AFDN: variants seen among roughly 807,000 people sequenced by gnomAD.
The protein encoded by AFDN is afadin.
AFDN carries 68 observed loss-of-function variants against 216.6 expected under a neutral mutation model. The ratio of observed to expected loss-of-function variants is 0.31; its 90% CI spans 0.26 to 0.38. AFDN has a LOEUF of 0.38. Ranked by LOEUF, AFDN falls within the 10% of genes least tolerant of loss-of-function variation. The pLI, the probability that AFDN is intolerant of heterozygous loss-of-function variation, is 1.00. For missense variants in AFDN, 2,136 were observed against 2,342.0 expected (o/e 0.91, Z 1.82); for synonymous variants, 868 against 853.7 (o/e 1.02, Z -0.29).
intron 6 of AFDN, among the ~76,000 whole-genome samples, chr6:167,882,115 A>T (rs1022262018): frequency 6.6e-6 from 1 of 152,206 alleles, no homozygotes; most frequent in African/African-American, 2.4e-5. Flanking sequence ...GAAGTTTGAC[A>T]ACACTAAGAC....
chr6:167,909,445 T>C (rs141688903), intron 13 of AFDN, among the ~76,000 whole-genome samples: 154 of 152,240 alleles, frequency 1.0e-3, no homozygotes, highest in African/African-American at 3.5e-3. Flanking sequence ...TAAACTATTA[T>C]AAATCTGTAA....
At chr6:167,900,936 A>G (rs1441438599) in intron 11 of AFDN, among the ~76,000 whole-genome samples, 1 of 152,232 alleles carries the variant, frequency 6.6e-6, no homozygotes, top group African/African-American at 2.4e-5. Context: ...TGTGTGCAGA[A>G]AATTGACAAT....
intron 32 of AFDN, chr6:167,966,311 A>C: frequency 7.0e-7 from 1 of 1,424,120 alleles, no homozygotes; most frequent in Non-Finnish European, 9.3e-7. Flanking sequence ...CTTTGTCTTA[A>C]TGATTGGAAC....
At chr6:167,921,314 A>G (rs1791768634) in intron 21 of AFDN, among the ~76,000 whole-genome samples, 1 of 152,208 alleles carries the variant, frequency 6.6e-6, no homozygotes, top group African/African-American at 2.4e-5. Flanking sequence ...TAATGTTAGG[A>G]CATACGTGAT....
At chr6:167,937,877 C>T (rs1014366632) in intron 23 of AFDN, among the ~76,000 whole-genome samples, 1 of 152,200 alleles carries the variant, frequency 6.6e-6, no homozygotes, top group African/African-American at 2.4e-5. Context: ...TTACAGACCT[C>T]CTCATCGTAG....
At chr6:167,851,872 G>T (rs146058524) in intron 1 of AFDN, among the ~76,000 whole-genome samples, 2 of 151,858 alleles carry the variant, frequency 1.3e-5, no homozygotes, top group African/African-American at 2.4e-5. Context: ...TTTTTGTAGC[G>T]CATTTTTAAA....
In AFDN at chr6:167,943,983, G is replaced by A; in HGVS notation, c.3282G>A (p.Leu1094=). 1.2e-6 allele frequency: 2 copies of A among 1,614,164 alleles called. No individual in the cohort carries two copies. Among genetic ancestry groups the A allele is most frequent in the Admixed American group, 3.3e-5 (2 of 60,026 alleles). ...LMTRTSSVVT[L]EVAKQGAIYH... is the part of the protein sequence containing the mutation. ...CAAGAACAAGCTCTGTGGTGACACT[G>A]GAAGTAGCAAAGCAGGGTGCCATCT... Residue 1094 remains leucine (L), a synonymous_variant, in exon 26 of 34, where the codon CTG becomes CTA. Coordinates refer to ENST00000683244, the MANE Select transcript of AFDN (RefSeq NM_001386888.1).
chr6:167,890,685 A>G (rs763504473), intron 7 of AFDN, among the ~76,000 whole-genome samples, 177 bp from the exon 8 acceptor site: 9 of 152,096 alleles, frequency 5.9e-5, no homozygotes, highest in Non-Finnish European at 1.2e-4. Context: ...CAAGAGGCTA[A>G]TATTTCCTCT....
At chr6:167,913,080 CA>C (rs1790608787) in intron 15 of AFDN, among the ~76,000 whole-genome samples, 1 of 152,170 alleles carries the variant, frequency 6.6e-6, no homozygotes, top group African/African-American at 2.4e-5. Context: ...TGTTCGTTCA[CA>C]AGTCCTTCCA....
rs193225611 is a variant in AFDN at position 167,951,092 on chromosome 6, A to G, written c.3832-94A>G. ...CAGTCTCTTTCTGTACACTGATTTA[A>G]CAGTTTTTCTTCTGTCTGAAGATAA... On this transcript the variant is annotated intron_variant, in intron 29 of 33. Transcript: ENST00000683244. This position sits in a 1 kb window ranked among gnomAD's most constrained non-coding sequence, Gnocchi z 7.1. The G allele has an allele frequency of 4.7e-4, 674 of 1,445,640 alleles. 5 individuals carry two copies. In the African/African-American group the frequency reaches 7.6e-3, roughly 16 times the overall value. 89.6% of individuals were successfully genotyped at this position (1,445,640 alleles called of 1,614,324 possible).
chr6:167,968,425 A>G (rs1477852440), intron 32 of AFDN: 1 of 152,440 alleles, frequency 6.6e-6, no homozygotes, highest in South Asian at 2.1e-4. Flanking sequence ...AGAAGAGGAG[A>G]AACAAAAATG....
At chr6:167,948,831 G>C (rs972422620) in intron 29 of AFDN, among the ~76,000 whole-genome samples, 1 of 152,238 alleles carries the variant, frequency 6.6e-6, no homozygotes, top group Non-Finnish European at 1.5e-5. Flanking sequence ...GCAGGGAAAT[G>C]AGACAGACAC....
chr6:167,947,873 G>A lies in AFDN; in HGVS notation c.3574G>A (p.Gly1192Arg). 6 of 1,613,740 alleles carry A rather than the reference G, an allele frequency of 3.7e-6. No individual in the cohort carries two copies. The highest frequency in any genetic ancestry group is 5.1e-6 in the Non-Finnish European group (6 of 1,179,748). The change falls in exon 28 of 34, where the codon GGG becomes AGG. Residue 1192 changes from glycine to arginine, a missense_variant. Gly to Arg is a moderately radical substitution (Grantham distance 125, BLOSUM62 -2). This residue lies in a region of AFDN where 981 missense variants were observed against 966.0 expected (regional missense o/e 1.02). Transcript: ENST00000683244. ...NVANQPPSPG[G>R]KSAYASGTTA... is the part of the protein sequence containing the mutation. Reference sequence around the variant, plus strand: ...AGCAGATCAGCCTCCTAGTCCTGGAGGGAAAAGTGCATATGCCTCTGGAAC... The same window carrying A: ...AGCAGATCAGCCTCCTAGTCCTGGAAGGAAAAGTGCATATGCCTCTGGAAC...
intron 30 of AFDN, among the ~76,000 whole-genome samples, chr6:167,961,234 T>A (rs1237551881): frequency 6.6e-6 from 1 of 152,216 alleles, no homozygotes; most frequent in Non-Finnish European, 1.5e-5. Flanking sequence ...CTAGATGGCT[T>A]TAAGTTTCAT....
chr6:167,920,613 G>A (rs1791659719), intron 21 of AFDN, among the ~76,000 whole-genome samples: 1 of 152,072 alleles, frequency 6.6e-6, no homozygotes, highest in African/African-American at 2.4e-5. Flanking sequence ...TTTGCGGATG[G>A]CGCTCTCCTG....
At position 167,889,294 on chromosome 6, in the gene AFDN, T is replaced by C. The variant is rs761750938; in HGVS notation, c.977T>C (p.Leu326Ser). Residue 326 changes from leucine (L) to serine (S), a missense_variant, in exon 7 of 34, where the codon TTA (leucine) becomes TCA (serine). Leu to Ser is a moderately radical substitution (Grantham distance 145, BLOSUM62 -2). Around this residue, in one of 8 missense-constraint regions of AFDN, gnomAD observed 817 missense variants for 965.7 expected, o/e 0.85. Transcript: ENST00000683244. ...ATTCTTGATGATGATGAGTGTCCTTTACAAATCTTCAGGGAATGGCCAAGT... is the reference window on the plus strand; with the variant it reads ...ATTCTTGATGATGATGAGTGTCCTTCACAAATCTTCAGGGAATGGCCAAGT... ...EIILDDDECP[L>S]QIFREWPSDK... 6.2e-7 allele frequency: 1 copy of C among 1,613,836 alleles called. No homozygotes were observed. Among genetic ancestry groups the C allele is most frequent in the Non-Finnish European group, 8.5e-7 (1 of 1,179,700 alleles).
intron 19 of AFDN, among the ~76,000 whole-genome samples, chr6:167,915,929 C>T (rs1052141742): frequency 2.0e-5 from 3 of 152,142 alleles, no homozygotes; most frequent in Non-Finnish European, 4.4e-5. Flanking sequence ...GTCAATCTTC[C>T]AAAATTGGAA....
intron 21 of AFDN, among the ~76,000 whole-genome samples, chr6:167,920,744 G>A (rs796160346): frequency 3.3e-4 from 51 of 152,250 alleles, no homozygotes; most frequent in African/African-American, 1.2e-3. Context: ...ATATTGAACT[G>A]TATATTATTA....
intron 20 of AFDN, among the ~76,000 whole-genome samples, chr6:167,918,219 AAAT>A (rs1213806829): frequency 6.6e-6 from 1 of 152,232 alleles, no homozygotes; most frequent in Non-Finnish European, 1.5e-5. Context: ...AAACGTGTCT[AAAT>A]AAAAATCACC....
Sources: gnomAD v4.1 joint callset for allele counts (sites outside exome capture counted in the v4.1 genomes callset) on GRCh38, gnomAD v4.1.1 for gene constraint, gnomAD v4.1.1 regional missense constraint, Gnocchi (gnomAD v3.1) non-coding constraint, MANE v1.5 for transcripts, NCBI Gene and HGNC (gene_info 2026-07-23, HGNC 2026-07-21) for gene names.